CHODL: variants seen among roughly 807,000 people sequenced by gnomAD.
CHODL encodes chondrolectin.
CHODL carries 29 observed loss-of-function variants against 34.5 expected under a neutral mutation model. The observed-to-expected ratio is 0.84, with a 90% CI of 0.63 to 1.15. CHODL has a LOEUF of 1.15. Ranked by LOEUF, CHODL falls within the 50% of genes most tolerant of loss-of-function variation. The pLI is 0.00. For missense variants in CHODL, 332 were observed against 332.5 expected (o/e 1.00, Z 0.01); for synonymous variants, 125 against 116.1 (o/e 1.08, Z -0.49).
At chr21:18,236,219 G>T (rs763137439) in intron 2 of CHODL, among the ~76,000 whole-genome samples, 6 of 152,110 alleles carry the variant, frequency 3.9e-5, no homozygotes, top group Non-Finnish European at 8.8e-5. Flanking sequence ...GCCAAGTGAA[G>T]TGGGAAGCCC....
chr21:17,929,077 A>C (rs2063250413), intron 1 of CHODL, among the ~76,000 whole-genome samples: 3 of 152,210 alleles, frequency 2.0e-5, no homozygotes, highest in Admixed American at 1.3e-4. Flanking sequence ...GGAAGAAAAG[A>C]CAGCCAACAT....
In CHODL at chr21:18,205,125, T is replaced by G. The variant is rs185260775; in HGVS notation, c.-44-51384T>G. The stretch of plus-strand genomic sequence containing the variant: ...CTAGCTAGGACTTCCAGTACTATGT[T>G]GAATAATAGCAATGAAAGTGGGCCT... On this transcript the variant is annotated intron_variant, in intron 2 of 6. Transcript: ENST00000400127. 9.1e-4 allele frequency among the ~76,000 whole-genome samples: 138 copies of G among 152,290 alleles called. 1 individual carries two copies. The highest frequency in any genetic ancestry group is 3.2e-3 in the African/African-American group (134 of 41,564).
chr21:18,193,697 GAAAAA>G (rs1015005875), intron 2 of CHODL, among the ~76,000 whole-genome samples: 1 of 74,216 alleles, frequency 1.3e-5, no homozygotes, highest in Non-Finnish European at 3.1e-5. Context: ...CTCTGTCTCA[GAAAAA>G]AAAAAAAATA....
intron 2 of CHODL, among the ~76,000 whole-genome samples, chr21:18,211,168 A>ACACACACACACACT (rs756032552): frequency 7.7e-4 from 103 of 133,864 alleles, no homozygotes; most frequent in African/African-American, 2.4e-3. Context: ...ACACACACAC[A>ACACACACACACACT]CTCACACTCA....
At chr21:18,085,234 C>G (rs2064991809) in intron 2 of CHODL, among the ~76,000 whole-genome samples, 1 of 151,848 alleles carries the variant, frequency 6.6e-6, no homozygotes, top group Admixed American at 6.6e-5. Flanking sequence ...TTTTTTGATT[C>G]ATCTTCCAAT....
intron 1 of CHODL, among the ~76,000 whole-genome samples, chr21:18,014,413 T>C (rs1418648625): frequency 6.6e-6 from 1 of 152,132 alleles, no homozygotes; most frequent in East Asian, 1.9e-4. Context: ...CACTTATAAG[T>C]GGTAGCTAAA....
chr21:17,929,053 A>C (rs1364248117), intron 1 of CHODL, among the ~76,000 whole-genome samples: 1 of 152,320 alleles, frequency 6.6e-6, no homozygotes, highest in South Asian at 2.1e-4. Flanking sequence ...ACACTGGTAA[A>C]CTAATGGTTT....
intron 2 of CHODL, among the ~76,000 whole-genome samples, chr21:18,029,633 G>C (rs2064224243): frequency 6.6e-6 from 1 of 151,928 alleles, no homozygotes; most frequent in South Asian, 2.1e-4. Flanking sequence ...TAGTCATCTA[G>C]AATCTGGAAC....
At chr21:17,940,837 T>C (rs1324494191) in intron 1 of CHODL, among the ~76,000 whole-genome samples, 2 of 152,204 alleles carry the variant, frequency 1.3e-5, no homozygotes, top group Non-Finnish European at 2.9e-5. Flanking sequence ...ATGAGCACAC[T>C]GTCAGATTCT....
At chr21:18,233,335 G>C (rs1047788021) in intron 2 of CHODL, among the ~76,000 whole-genome samples, 18 of 152,206 alleles carry the variant, frequency 1.2e-4, no homozygotes, top group South Asian at 2.1e-4. Context: ...TGCCTGGGTT[G>C]AAATACCAGC....
chr21:18,071,151 T>A (rs2064800039), intron 2 of CHODL, among the ~76,000 whole-genome samples: 1 of 148,708 alleles, frequency 6.7e-6, no homozygotes, highest in Non-Finnish European at 1.5e-5. Context: ...ACAGCATTTT[T>A]TTTTTTTTTT....
intron 1 of CHODL, among the ~76,000 whole-genome samples, chr21:17,948,363 G>A (rs899469518): frequency 3.3e-5 from 5 of 151,560 alleles, no homozygotes; most frequent in Non-Finnish European, 7.4e-5. Flanking sequence ...AAATAAACAA[G>A]CTAACATTAC....
intron 2 of CHODL, among the ~76,000 whole-genome samples, chr21:18,174,511 G>A (rs1452887148): frequency 6.6e-6 from 1 of 151,862 alleles, no homozygotes; most frequent in Non-Finnish European, 1.5e-5. Context: ...CATACTTAAG[G>A]CCAAGTTTAT....
intron 1 of CHODL, among the ~76,000 whole-genome samples, chr21:18,007,136 T>A (rs2063968506): frequency 6.6e-6 from 1 of 152,128 alleles, no homozygotes; most frequent in Non-Finnish European, 1.5e-5. Context: ...TAAAAAAAAC[T>A]ACTTCAAGAA....
intron 1 of CHODL, among the ~76,000 whole-genome samples, chr21:17,973,709 C>T (rs973348468): frequency 1.6e-4 from 25 of 151,530 alleles, no homozygotes; most frequent in African/African-American, 5.6e-4. Flanking sequence ...CGTGAGCCAC[C>T]GCGCCCAGAC....
intron 2 of CHODL, among the ~76,000 whole-genome samples, chr21:18,138,603 C>T (rs975293676): frequency 1.3e-5 from 2 of 152,090 alleles, no homozygotes; most frequent in African/African-American, 4.8e-5. Flanking sequence ...GGATGCATTG[C>T]CTTGTAGATC....
chr21:18,204,233 G>A (rs1378006388), intron 2 of CHODL, among the ~76,000 whole-genome samples: 2 of 152,038 alleles, frequency 1.3e-5, no homozygotes, highest in Non-Finnish European at 2.9e-5. Context: ...ATTATTTAGC[G>A]AGTCTGTGAC....
At chr21:18,003,970 G>A (rs906667502) in intron 1 of CHODL, among the ~76,000 whole-genome samples, 11 of 152,314 alleles carry the variant, frequency 7.2e-5, no homozygotes, top group African/African-American at 2.2e-4. Flanking sequence ...ATTATTTTAT[G>A]TGTAGGAAAA....
At chr21:18,001,671 A>T (rs1164840191) in intron 1 of CHODL, among the ~76,000 whole-genome samples, 1 of 151,994 alleles carries the variant, frequency 6.6e-6, no homozygotes, top group Non-Finnish European at 1.5e-5. Flanking sequence ...GAAGAGAGAG[A>T]ATTCATGCAT....
Sources: allele counts gnomAD v4.1 joint callset (sites outside exome capture counted in the v4.1 genomes callset), GRCh38; gene constraint gnomAD v4.1.1; transcripts MANE v1.5; gene names NCBI Gene and HGNC (gene_info 2026-07-23, HGNC 2026-07-21).